Variants in PAG1 observed in about 807,000 individuals in gnomAD.
PAG1 encodes the protein phosphoprotein associated with glycosphingolipid-enriched microdomains 1.
A neutral mutation model predicts 31.7 loss-of-function variants in PAG1; 23 were observed. The observed-to-expected ratio is 0.73, with a 90% CI of 0.52 to 1.03. The LOEUF (loss-of-function observed/expected upper bound fraction) is 1.03, where lower values mean the gene tolerates loss of function less well. PAG1 is among the 50% of genes least tolerant of loss of function. The probability of loss-of-function intolerance (pLI) is 0.00; values close to 1 mark genes in which losing one functional copy is unlikely to be tolerated. For missense variants in PAG1, 473 were observed against 540.7 expected, an observed-to-expected ratio of 0.87 and a Z score of 1.24; for synonymous variants, 214 against 210.3, an observed-to-expected ratio of 1.02 and a Z score of -0.15.
At chr8:81,072,094 G>A (rs1442140731) in intron 1 of PAG1, among the ~76,000 whole-genome samples, 1 of 152,192 alleles carries the variant, frequency 6.6e-6, no homozygotes, top group East Asian at 1.9e-4. Context: ...GTGAAGATGT[G>A]GCGTGGGGAG....
intron 3 of PAG1, among the ~76,000 whole-genome samples, chr8:81,028,127 A>G (rs998775187): frequency 6.6e-6 from 1 of 152,050 alleles, no homozygotes; most frequent in Non-Finnish European, 1.5e-5. Flanking sequence ...AGGGCCCATC[A>G]TATTGTGCAG....
chr8:81,027,990 C>A (rs192847300), intron 3 of PAG1, among the ~76,000 whole-genome samples: 2 of 152,080 alleles, frequency 1.3e-5, no homozygotes, highest in African/African-American at 4.8e-5. Context: ...ACGAGGGTCC[C>A]CCACAGCTGC....
chr8:80,994,056 C>T (rs549782810), intron 3 of PAG1, among the ~76,000 whole-genome samples: 61 of 151,984 alleles, frequency 4.0e-4, no homozygotes, highest in African/African-American at 1.4e-3. Context: ...GCCCCTGCCC[C>T]CCACTGCCAT....
Position 81,111,910 on chromosome 8 carries a change from C to G in PAG1, c.-553G>C, listed in dbSNP as rs1809781982. 6.6e-6 allele frequency: 1 copy of G among 152,198 alleles called. No homozygotes were observed. Among genetic ancestry groups the G allele is most frequent in the Non-Finnish European group, 1.5e-5 (1 of 68,046 alleles). The allele number at this position is 152,198 out of a possible 1,614,324, so 9.4% of individuals were successfully genotyped here. ...TGGGTGTCTCTGGCTCCAAGGGAAT[C>G]ACGGCTCAATTAGGGACCTGCCAGG... On this transcript the variant is annotated 5_prime_UTR_variant, in exon 1 of 9. Coordinates refer to ENST00000220597, the MANE Select transcript of PAG1 (RefSeq NM_018440.4).
At chr8:81,010,168 C>G (rs1429195958) in intron 3 of PAG1, among the ~76,000 whole-genome samples, 1 of 152,166 alleles carries the variant, frequency 6.6e-6, no homozygotes, top group Non-Finnish European at 1.5e-5. Context: ...AAAACAGATA[C>G]AGCTCATTGT....
intron 2 of PAG1, among the ~76,000 whole-genome samples, chr8:81,042,117 A>C (rs1293860285): frequency 1.3e-5 from 2 of 152,190 alleles, no homozygotes; most frequent in African/African-American, 4.8e-5. Flanking sequence ...AAGATTTGGG[A>C]AGATGAAGTC....
intron 1 of PAG1, among the ~76,000 whole-genome samples, chr8:81,079,493 A>T (rs1303991826): frequency 6.6e-6 from 1 of 152,164 alleles, no homozygotes; most frequent in Non-Finnish European, 1.5e-5. Context: ...GGCGATCAAC[A>T]GGAATAACTT....
rs564860063 is a variant in PAG1, at chr8:80,989,793, G to C, written c.177+1686C>G. On this transcript the variant is annotated intron_variant, in intron 5 of 8. Transcript: ENST00000220597. ...TGGGGTGCTTGCGAGCCTTTTACTG[G>C]GCCTCACCCCCAGGAAAATTCGCAT... is the stretch of plus-strand genomic sequence containing the variant. Among the ~76,000 whole-genome samples, 8 of 152,118 alleles carry C rather than the reference G, an allele frequency of 5.3e-5. No individual in the cohort carries two copies. The East Asian group carries it at 1.2e-3, about 22-fold the overall frequency.
At chr8:81,010,295 G>T (rs189670251) in intron 3 of PAG1, among the ~76,000 whole-genome samples, 40 of 152,124 alleles carry the variant, frequency 2.6e-4, no homozygotes, top group Non-Finnish European at 3.5e-4. Context: ...CCAGAGGGTG[G>T]TATCTGAGCT....
chr8:81,045,951 T>C (rs548779153), intron 2 of PAG1, among the ~76,000 whole-genome samples: 2 of 152,342 alleles, frequency 1.3e-5, no homozygotes, highest in South Asian at 4.1e-4. Flanking sequence ...TGCTTCAGCA[T>C]TGGGCGTGTA....
At chr8:81,034,672 A>G (rs1808433484) in intron 2 of PAG1, among the ~76,000 whole-genome samples, 1 of 152,194 alleles carries the variant, frequency 6.6e-6, no homozygotes, top group African/African-American at 2.4e-5. Context: ...TAGTGGCTTC[A>G]ACCTTGTTTG....
chr8:80,977,119 C>T (rs907487678), intron 8 of PAG1, among the ~76,000 whole-genome samples: 1 of 152,182 alleles, frequency 6.6e-6, no homozygotes, highest in African/African-American at 2.4e-5. Flanking sequence ...GTCATATTCC[C>T]TTAATTCCGT....
At chr8:81,107,048 C>CT (rs965875041) in intron 1 of PAG1, among the ~76,000 whole-genome samples, 22 of 150,430 alleles carry the variant, frequency 1.5e-4, no homozygotes, top group East Asian at 3.9e-4. Flanking sequence ...CACACTTCTC[C>CT]TTTTTTTTTA....
At chr8:81,016,459 A>G (rs1037953847) in intron 3 of PAG1, among the ~76,000 whole-genome samples, 4 of 152,200 alleles carry the variant, frequency 2.6e-5, no homozygotes, top group East Asian at 1.9e-4. Context: ...TGTCGGCTAG[A>G]CATATTTTCT....
intron 1 of PAG1, among the ~76,000 whole-genome samples, chr8:81,098,603 A>C (rs1021708840): frequency 1.3e-5 from 2 of 151,948 alleles, no homozygotes; most frequent in Admixed American, 6.6e-5. Context: ...TATCTTTTTG[A>C]CCCAACAAAA....
At chr8:80,988,876 C>T (rs1190220634) in intron 5 of PAG1, among the ~76,000 whole-genome samples, 1 of 152,208 alleles carries the variant, frequency 6.6e-6, no homozygotes, top group Non-Finnish European at 1.5e-5. Context: ...CCTGGCTCAG[C>T]TATAGCTAAG....
At chr8:81,021,518 A>ATGTG (rs59502689) in intron 3 of PAG1, among the ~76,000 whole-genome samples, 30 of 139,682 alleles carry the variant, frequency 2.1e-4, no homozygotes, top group Middle Eastern at 3.5e-3. Context: ...GTGTGTGTGC[A>ATGTG]TGTGTGTGTG....
chr8:81,087,058 G>A (rs1283703077), intron 1 of PAG1, among the ~76,000 whole-genome samples: 2 of 151,990 alleles, frequency 1.3e-5, no homozygotes, highest in Non-Finnish European at 2.9e-5. Flanking sequence ...AAGAGCTGTA[G>A]AAGCGGCCAG....
intron 1 of PAG1, among the ~76,000 whole-genome samples, chr8:81,076,010 C>G (rs539404204): frequency 6.6e-6 from 1 of 152,346 alleles, no homozygotes; most frequent in African/African-American, 2.4e-5. Context: ...GCCATCCTGA[C>G]ATCACTCTGC....
Sources: gnomAD v4.1 joint callset for allele counts (sites outside exome capture counted in the v4.1 genomes callset) on GRCh38, gnomAD v4.1.1 for gene constraint, MANE v1.5 for transcripts, NCBI Gene and HGNC (gene_info 2026-07-23, HGNC 2026-07-21) for gene names.